The following GPC5 variants were observed in gnomAD, a reference collection of about 807,000 sequenced individuals.
GPC5 encodes the protein glypican-5.
In GPC5, 47 loss-of-function variants were observed where a neutral mutation model predicts 53.9. The observed-to-expected ratio is 0.87, with a 90% CI of 0.69 to 1.11. The LOEUF (loss-of-function observed/expected upper bound fraction) is 1.11. Among genes scored for constraint, GPC5 ranks in the 50% most tolerant of loss-of-function variants. The pLI is 0.00. For missense variants in GPC5, 748 were observed against 713.1 expected (o/e 1.05, Z -0.56); for synonymous variants, 286 against 263.3 (o/e 1.09, Z -0.84).
rs2040262235 is a variant in GPC5 at position 91,973,264 on chromosome 13, C to G, written c.1401+65207C>G. On this transcript the variant is annotated intron_variant, in intron 6 of 7. Transcript: ENST00000377067. Reference sequence around the variant, plus strand: ...TTTCTTCCAGTTGATCTCATTGGCTCCTGAGGCTTCTGCATTTTTCACATA... The same window carrying G: ...TTTCTTCCAGTTGATCTCATTGGCTGCTGAGGCTTCTGCATTTTTCACATA... Among the ~76,000 whole-genome samples the G allele has an allele frequency of 2.0e-5, 3 of 152,126 alleles. No individual in the cohort carries two copies. The South Asian group carries it at 6.2e-4, about 32-fold the overall frequency.
chr13:92,420,418 G>C (rs1876506026), intron 7 of GPC5, among the ~76,000 whole-genome samples: 1 of 151,920 alleles, frequency 6.6e-6, no homozygotes, highest in Admixed American at 6.6e-5. Flanking sequence ...TTTGTACCAT[G>C]TTTTGATACA....
At chr13:91,702,383 A>AT (rs2036011809) in intron 3 of GPC5, among the ~76,000 whole-genome samples, 2 of 152,076 alleles carry the variant, frequency 1.3e-5, no homozygotes, top group South Asian at 2.1e-4. Context: ...TGTCAAGAAC[A>AT]TTTTTTTCCT....
Position 92,846,447 on chromosome 13 carries a change from T to C in GPC5, c.1562-19835T>C, listed in dbSNP as rs1381676243. Among the ~76,000 whole-genome samples the C allele has an allele frequency of 2.6e-5, 4 of 152,188 alleles. No individual in the cohort carries two copies. The South Asian group carries it at 6.2e-4, about 24-fold the overall frequency. On this transcript the variant is annotated intron_variant, in intron 7 of 7. Coordinates refer to ENST00000377067, the MANE Select transcript of GPC5 (RefSeq NM_004466.6). ...TTTTGTTTGGGGGCTAAATTTGGTA[T>C]TGTGGATTCATGTTGTTCTTAATTT... is the stretch of plus-strand genomic sequence containing the variant.
chr13:91,844,196 A>G (rs1277027542), intron 5 of GPC5, among the ~76,000 whole-genome samples: 1 of 152,212 alleles, frequency 6.6e-6, no homozygotes, highest in African/African-American at 2.4e-5. Flanking sequence ...TTTTGTAAGA[A>G]CAGAGTTTAA....
At chr13:92,746,004 C>T (rs1224933146) in intron 7 of GPC5, among the ~76,000 whole-genome samples, 1 of 152,078 alleles carries the variant, frequency 6.6e-6, no homozygotes, top group Non-Finnish European at 1.5e-5. Context: ...CACAAGCCTT[C>T]AGAAAACACA....
intron 5 of GPC5, among the ~76,000 whole-genome samples, chr13:91,816,609 G>T (rs1183959941): frequency 1.3e-5 from 2 of 152,130 alleles, no homozygotes; most frequent in African/African-American, 2.4e-5. Context: ...TTTATTTATA[G>T]TATGTCTTTG....
intron 6 of GPC5, among the ~76,000 whole-genome samples, chr13:91,981,218 A>G: frequency 6.6e-6 from 1 of 152,136 alleles, no homozygotes; most frequent in Admixed American, 6.5e-5. Context: ...TTCTACATCC[A>G]TGCCAGCACT....
At chr13:92,399,717 G>A (rs1022885319) in intron 7 of GPC5, among the ~76,000 whole-genome samples, 4 of 152,162 alleles carry the variant, frequency 2.6e-5, no homozygotes, top group South Asian at 2.1e-4. Flanking sequence ...GCTTGTGGGA[G>A]ACCCAGTTTA....
intron 6 of GPC5, among the ~76,000 whole-genome samples, chr13:91,988,121 A>G (rs1276487247): frequency 1.3e-5 from 2 of 150,898 alleles, no homozygotes; most frequent in African/African-American, 2.4e-5. Flanking sequence ...TTAGATACAT[A>G]TTTTTAAGGC....
intron 6 of GPC5, among the ~76,000 whole-genome samples, chr13:92,074,951 G>T (rs1038406430): frequency 6.6e-6 from 1 of 152,004 alleles, no homozygotes; most frequent in African/African-American, 2.4e-5. Flanking sequence ...TAAATTTCCT[G>T]TTTATTTTTT....
At chr13:92,346,246 G>A (rs1441151033) in intron 7 of GPC5, among the ~76,000 whole-genome samples, 2 of 152,086 alleles carry the variant, frequency 1.3e-5, no homozygotes, top group Non-Finnish European at 1.5e-5. Flanking sequence ...CCCAAGCAGT[G>A]ACTGACTAAT....
chr13:92,670,237 C>T (rs1159299837), intron 7 of GPC5, among the ~76,000 whole-genome samples: 1 of 152,028 alleles, frequency 6.6e-6, no homozygotes, highest in South Asian at 2.1e-4. Flanking sequence ...AAATTGGGAG[C>T]CAGAAAGCTA....
intron 7 of GPC5, among the ~76,000 whole-genome samples, chr13:92,401,405 T>G (rs574919641): frequency 6.6e-6 from 1 of 152,222 alleles, no homozygotes; most frequent in Non-Finnish European, 1.5e-5. Flanking sequence ...CTTTCGCTAA[T>G]GTATTTACTT....
At chr13:92,081,797 T>C (rs932505803) in intron 6 of GPC5, among the ~76,000 whole-genome samples, 1 of 152,322 alleles carries the variant, frequency 6.6e-6, no homozygotes, top group East Asian at 1.9e-4. Context: ...GCTGATGAAA[T>C]TAACCCATTT....
At chr13:91,455,728 T>A (rs1594111834) in intron 2 of GPC5, among the ~76,000 whole-genome samples, 1 of 152,146 alleles carries the variant, frequency 6.6e-6, no homozygotes, top group Non-Finnish European at 1.5e-5. Flanking sequence ...AGTCACATAG[T>A]CACTCCTACC....
In GPC5 at chr13:92,268,462, C is replaced by T. The variant is rs2042817542; in HGVS notation, c.1561+123473C>T. Among the ~76,000 whole-genome samples, 3 of 151,726 alleles carry T rather than the reference C, an allele frequency of 2.0e-5. No homozygotes were observed. In the South Asian group the frequency reaches 6.2e-4, roughly 31 times the overall value. On this transcript the variant is annotated intron_variant, in intron 7 of 7. Coordinates refer to ENST00000377067, the MANE Select transcript of GPC5 (RefSeq NM_004466.6). ...TTTAAAAATACATACTCTTAATTCA[C>T]TTCTGTGGTACCTACATATCTTTAT...
intron 7 of GPC5, among the ~76,000 whole-genome samples, chr13:92,833,852 A>C (rs1336406491): frequency 6.6e-6 from 1 of 152,222 alleles, no homozygotes; most frequent in African/African-American, 2.4e-5. Flanking sequence ...AAGGAAATTT[A>C]GTATATCCGT....
intron 7 of GPC5, among the ~76,000 whole-genome samples, chr13:92,412,404 A>C (rs1288740510): frequency 6.6e-6 from 1 of 152,186 alleles, no homozygotes; most frequent in Admixed American, 6.5e-5. Context: ...ATAACAATTC[A>C]GTAAATGATA....
intron 2 of GPC5, among the ~76,000 whole-genome samples, chr13:91,467,833 CAT>C (rs542494216): frequency 6.1e-4 from 92 of 152,050 alleles, no homozygotes; most frequent in Non-Finnish European, 9.3e-4. Context: ...CACTGTATTG[CAT>C]ATGTTTTATT....
Sources: allele counts gnomAD v4.1 joint callset (sites outside exome capture counted in the v4.1 genomes callset), GRCh38; gene constraint gnomAD v4.1.1; transcripts MANE v1.5; gene names NCBI Gene and HGNC (gene_info 2026-07-23, HGNC 2026-07-21).